HIVEP1: variants seen among roughly 807,000 people sequenced by gnomAD.
The protein encoded by HIVEP1 is HIVEP zinc finger 1.
Under a neutral mutation model 180.0 loss-of-function variants are expected in HIVEP1, and 36 were observed. The observed-to-expected ratio is 0.20, with a 90% confidence interval of 0.15 to 0.26. The LOEUF (loss-of-function observed/expected upper bound fraction) is 0.26. Ranked by LOEUF, HIVEP1 falls within the 10% of genes least tolerant of loss-of-function variation. The pLI, the probability that HIVEP1 is intolerant of heterozygous loss-of-function variation, is 1.00. For missense variants in HIVEP1, 3,143 were observed against 3,268.7 expected, an observed-to-expected ratio of 0.96 and a Z score of 0.94; for synonymous variants, 1,239 against 1,239.0, an observed-to-expected ratio of 1.00 and a Z score of 0.00.
At position 12,161,610 on chromosome 6, in the gene HIVEP1, G is replaced by A. The variant is rs1760401237; in HGVS notation, c.6659G>A (p.Ser2220Asn). The change falls in exon 8 of 9, where the codon AGT (serine) becomes AAT (asparagine). Residue 2220 changes from serine to asparagine, a missense_variant. Ser to Asn is a conservative substitution (Grantham distance 46). Coordinates refer to ENST00000379388, the MANE Select transcript of HIVEP1 (RefSeq NM_002114.4). ...AGCCCGCAGCACCTTCCATCTAGAAGTAGCCTTCAGGACCCTGTGAGTACT... is the reference window on the plus strand; with the variant it reads ...AGCCCGCAGCACCTTCCATCTAGAAATAGCCTTCAGGACCCTGTGAGTACT... ...TASPQHLPSR[S>N]SLQDPVSTDE... 6.2e-7 allele frequency: 1 copy of A among 1,613,988 alleles called. No homozygotes were observed. The highest frequency in any genetic ancestry group is 1.3e-5 in the African/African-American group (1 of 74,934).
intron 2 of HIVEP1, among the ~76,000 whole-genome samples, chr6:12,051,062 G>A (rs536821923): frequency 1.5e-5 from 2 of 132,314 alleles, no homozygotes; most frequent in African/African-American, 5.6e-5. Context: ...GGACGACAGG[G>A]TTTTTACTTC....
Position 12,141,691 on chromosome 6 carries a change from C to CAAAAAAAAAAAAAAAAAAAAAAAAA in HIVEP1, c.6487+5804_6487+5828dup, listed in dbSNP as rs60419579. ...GAAGATCTACCAAGCAAATGGAAAG[C>CAAAAAAAAAAAAAAAAAAAAAAAAA]AAAAAAAAAAAAAAAAAAAAAAAAA... On this transcript the variant is annotated intron_variant, in intron 7 of 8. Transcript: ENST00000379388. Among the ~76,000 whole-genome samples the CAAAAAAAAAAAAAAAAAAAAAAAAA allele has an allele frequency of 4.2e-4, 8 of 19,238 alleles. 1 individual carries two copies. The highest frequency in any genetic ancestry group is 5.5e-4 in the African/African-American group (6 of 10,902). The allele number at this position is 19,238 out of a possible 152,430, so 12.6% of individuals were successfully genotyped here. A position where few individuals can be genotyped will look rare whatever the true frequency, so the allele number is the denominator to read the frequency against.
intron 3 of HIVEP1, among the ~76,000 whole-genome samples, chr6:12,110,260 C>T (rs748128745): frequency 3.9e-5 from 6 of 152,242 alleles, no homozygotes; most frequent in Non-Finnish European, 8.8e-5. Flanking sequence ...AAGCCACCAG[C>T]TGTATTAGCC....
At chr6:12,013,862 A>G (rs1260204176) in intron 1 of HIVEP1, among the ~76,000 whole-genome samples, 1 of 152,232 alleles carries the variant, frequency 6.6e-6, no homozygotes, top group Non-Finnish European at 1.5e-5. Context: ...TAAAAATTGC[A>G]AATAATTTTG....
At position 12,163,327 on chromosome 6, in the gene HIVEP1, C is replaced by T. The variant is rs201560662; in HGVS notation, c.7023C>T (p.Ser2341=). The change falls in exon 9 of 9, where the codon AGC becomes AGT. Residue 2341 remains serine, a synonymous_variant. Coordinates refer to ENST00000379388, the MANE Select transcript of HIVEP1 (RefSeq NM_002114.4). ...VRLPPAAAEH[S]PQTAAGMPSV... is the part of the protein sequence containing the mutation. ...TTCCTCCTGCTGCAGCTGAGCACAG[C>T]CCCCAGACAGCAGCGGGGATGCCTT... The T allele has an allele frequency of 2.5e-6, 4 of 1,614,118 alleles. No homozygotes were observed. The highest frequency in any genetic ancestry group is 2.2e-5 in the South Asian group (2 of 91,076).
intron 2 of HIVEP1, among the ~76,000 whole-genome samples, chr6:12,040,204 TTAAGA>T: frequency 6.6e-6 from 1 of 152,288 alleles, no homozygotes; most frequent in South Asian, 2.1e-4. Flanking sequence ...GATCCAGGAG[TTAAGA>T]AACACTGTAA....
intron 2 of HIVEP1, among the ~76,000 whole-genome samples, chr6:12,024,940 G>C (rs1768479743): frequency 6.6e-6 from 1 of 152,214 alleles, no homozygotes. Context: ...TGGCAAGAGG[G>C]AGGTGGTTTT....
chr6:12,108,459 C>T (rs1774618600), intron 3 of HIVEP1, among the ~76,000 whole-genome samples: 1 of 152,200 alleles, frequency 6.6e-6, no homozygotes, highest in African/African-American at 2.4e-5. Flanking sequence ...ATCGGGGAGG[C>T]TTGGGCTGCG....
intron 2 of HIVEP1, among the ~76,000 whole-genome samples, chr6:12,017,234 A>G (rs1458152656): frequency 6.6e-6 from 1 of 152,186 alleles, no homozygotes; most frequent in Non-Finnish European, 1.5e-5. Flanking sequence ...TGTGTCTGGA[A>G]TTGGTGGGTT....
chr6:12,082,585 T>C (rs951288291), intron 2 of HIVEP1, among the ~76,000 whole-genome samples: 4 of 152,184 alleles, frequency 2.6e-5, no homozygotes, highest in Admixed American at 2.6e-4. Flanking sequence ...TGTAAGAAAG[T>C]GGCTCCTGAA....
intron 3 of HIVEP1, among the ~76,000 whole-genome samples, chr6:12,108,004 A>G (rs931018548): frequency 4.6e-5 from 7 of 152,120 alleles, no homozygotes; most frequent in Non-Finnish European, 5.9e-5. Flanking sequence ...ACAGAGTGTC[A>G]ATTGGTGCAT....
intron 2 of HIVEP1, among the ~76,000 whole-genome samples, chr6:12,048,909 C>T (rs1770312885): frequency 6.6e-6 from 1 of 152,124 alleles, no homozygotes; most frequent in Non-Finnish European, 1.5e-5. Context: ...TATGTGGTAT[C>T]TACTGGGCAC....
intron 2 of HIVEP1, among the ~76,000 whole-genome samples, chr6:12,072,564 C>T (rs1310229938): frequency 6.6e-6 from 1 of 152,120 alleles, no homozygotes; most frequent in African/African-American, 2.4e-5. Context: ...TCTTCTATTC[C>T]CTTTTTCCAG....
chr6:12,080,195 CT>C, intron 2 of HIVEP1, among the ~76,000 whole-genome samples: 1 of 152,258 alleles, frequency 6.6e-6, no homozygotes, highest in African/African-American at 2.4e-5. Flanking sequence ...TGCTTTTGGA[CT>C]TTTAGCTCGG....
Position 12,164,340 on chromosome 6 carries a change from A to C in HIVEP1, c.8036A>C (p.Gln2679Pro), listed in dbSNP as rs1336403725. 3.7e-6 allele frequency: 6 copies of C among 1,614,110 alleles called. No individual in the cohort carries two copies. The South Asian group carries it at 4.4e-5, about 12-fold the overall frequency. The change falls in exon 9 of 9, where the codon CAG (glutamine) becomes CCG (proline). Residue 2679 changes from glutamine (Q) to proline (P), a missense_variant. By Grantham distance (76) the Gln-to-Pro change is moderately conservative (BLOSUM62 -1). Transcript: ENST00000379388. The stretch of plus-strand genomic sequence containing the variant: ...GTTTTTACAAAGCCCTCAGGCCAGC[A>C]GACTCTCTCTCCAGACAGACAGGTT... The part of the protein sequence containing the change: ...SEVFTKPSGQ[Q>P]TLSPDRQVPR...
At chr6:12,154,321 T>C (rs1041960663) in intron 7 of HIVEP1, among the ~76,000 whole-genome samples, 12 of 152,216 alleles carry the variant, frequency 7.9e-5, no homozygotes, top group African/African-American at 2.9e-4. Flanking sequence ...AGATTTAAAA[T>C]TACGTGCAGC....
At chr6:12,179,600 C>T in the HIVEP1 span, among the ~76,000 whole-genome samples, 3 of 152,170 alleles carry the variant, frequency 2.0e-5, no homozygotes, top group South Asian at 2.1e-4. Flanking sequence ...GGATGGAAGT[C>T]GTGGAACACA....
chr6:12,084,226 C>T (rs1446563939), intron 2 of HIVEP1, among the ~76,000 whole-genome samples: 1 of 152,110 alleles, frequency 6.6e-6, no homozygotes, highest in Non-Finnish European at 1.5e-5. Context: ...TTTACTAGTT[C>T]ATCACAATTT....
chr6:12,106,698 T>A (rs1215179651), intron 3 of HIVEP1, among the ~76,000 whole-genome samples: 1 of 152,218 alleles, frequency 6.6e-6, no homozygotes, highest in East Asian at 1.9e-4. Flanking sequence ...TTATATTTCA[T>A]TGATTTTTAT....
Sources: allele counts gnomAD v4.1 joint callset (sites outside exome capture counted in the v4.1 genomes callset), GRCh38; gene constraint gnomAD v4.1.1; transcripts MANE v1.5; gene names NCBI Gene and HGNC (gene_info 2026-07-23, HGNC 2026-07-21).